OCIAD2: variants seen among roughly 807,000 people sequenced by gnomAD.
OCIAD2 encodes OCIA domain-containing protein 2.
A neutral mutation model predicts 22.9 loss-of-function variants in OCIAD2; 29 were observed. That is an observed-to-expected ratio of 1.27 (90% confidence interval 0.94 to 1.73). The LOEUF (loss-of-function observed/expected upper bound fraction) is 1.73. Among genes scored for constraint, OCIAD2 ranks in the 40% most tolerant of loss-of-function variants. The pLI is 0.00. For missense variants in OCIAD2, 189 were observed against 180.3 expected (o/e 1.05, Z -0.28); for synonymous variants, 67 against 60.2 (o/e 1.11, Z -0.52).
At chr4:48,896,943 G>A (rs544071987) in intron 4 of OCIAD2, among the ~76,000 whole-genome samples, 3 of 152,282 alleles carry the variant, frequency 2.0e-5, no homozygotes, top group Admixed American at 6.5e-5. Flanking sequence ...ACAGGAAAAC[G>A]CTAAGAGGCA....
Position 48,906,454 on chromosome 4 carries a change from C to T in OCIAD2, c.-63+204G>A, listed in dbSNP as rs572361467. On this transcript the variant is annotated intron_variant, in intron 1 of 6. Coordinates refer to ENST00000508632, the MANE Select transcript of OCIAD2 (RefSeq NM_001014446.3). Reference sequence around the variant, plus strand: ...CCGGGAGTCAGCCTACTGGAGTCCGCTGCCATCCCTGGCCAGAAGCAGCCA... The same window carrying T: ...CCGGGAGTCAGCCTACTGGAGTCCGTTGCCATCCCTGGCCAGAAGCAGCCA... Among the ~76,000 whole-genome samples, 8 of 152,342 alleles carry T rather than the reference C, an allele frequency of 5.3e-5. No homozygotes were observed. In the East Asian group the frequency reaches 1.5e-3, roughly 29 times the overall value.
intron 5 of OCIAD2, 161 bp from the exon 6 acceptor site, chr4:48,893,050 T>C (rs1275256663): frequency 4.0e-6 from 2 of 502,428 alleles, no homozygotes; most frequent in Non-Finnish European, 7.1e-6. Flanking sequence ...AGAACAGGAT[T>C]GGGAACTGGA....
chr4:48,896,378 T>G (rs1781301639), intron 4 of OCIAD2, among the ~76,000 whole-genome samples: 1 of 151,792 alleles, frequency 6.6e-6, no homozygotes, highest in African/African-American at 2.4e-5. Context: ...TCACAAGAGC[T>G]CAGGAGTTCG....
At chr4:48,901,804 G>T (rs1408865435) in intron 2 of OCIAD2, among the ~76,000 whole-genome samples, 2 of 152,040 alleles carry the variant, frequency 1.3e-5, no homozygotes, top group Non-Finnish European at 2.9e-5. Context: ...GTATAGTGGT[G>T]CCATCATAGC....
chr4:48,902,033 C>T (rs1781430235), intron 2 of OCIAD2, among the ~76,000 whole-genome samples: 1 of 152,090 alleles, frequency 6.6e-6, no homozygotes, highest in Non-Finnish European at 1.5e-5. Context: ...TCCCAAAGTG[C>T]TGGGGTTACA....
chr4:48,903,459 A>G (rs1560461995), intron 2 of OCIAD2, among the ~76,000 whole-genome samples: 1 of 152,140 alleles, frequency 6.6e-6, no homozygotes, highest in Non-Finnish European at 1.5e-5. Context: ...CAATATAATG[A>G]GACCCCCATC....
At chr4:48,905,272 G>A (rs1269428342) in intron 1 of OCIAD2, among the ~76,000 whole-genome samples, 1 of 152,170 alleles carries the variant, frequency 6.6e-6, no homozygotes, top group Non-Finnish European at 1.5e-5. Flanking sequence ...TGGGTCTAGA[G>A]TTCCAGAACA....
At chr4:48,893,936 C>A in intron 5 of OCIAD2, 70 bp downstream of exon 5, 1 of 936,614 alleles carries the variant, frequency 1.1e-6, no homozygotes, top group Admixed American at 2.5e-5. Context: ...CCCACCTCAG[C>A]CTCCCAAAGT....
At position 48,887,742 on chromosome 4, in the gene OCIAD2, C is replaced by T. The variant is rs186847935; in HGVS notation, c.384-2177G>A. 1.5e-4 allele frequency among the ~76,000 whole-genome samples: 23 copies of T among 152,240 alleles called. No homozygotes were observed. In the East Asian group the frequency reaches 3.9e-3, roughly 26 times the overall value. On this transcript the variant is annotated intron_variant, in intron 6 of 6. Coordinates refer to ENST00000508632, the MANE Select transcript of OCIAD2 (RefSeq NM_001014446.3). ...ACCATGCTGTTTTGGTTACTGTAGA[C>T]TTGTAGTATAGTTTGAAGTCAGGTA...
chr4:48,904,057 C>G (rs1159541211), intron 2 of OCIAD2, among the ~76,000 whole-genome samples: 1 of 152,022 alleles, frequency 6.6e-6, no homozygotes, highest in Non-Finnish European at 1.5e-5. Flanking sequence ...TAAGCCCATC[C>G]AACAAAGTGC....
intron 2 of OCIAD2, among the ~76,000 whole-genome samples, chr4:48,901,421 T>G (rs1781415462): frequency 6.6e-6 from 1 of 152,112 alleles, no homozygotes; most frequent in African/African-American, 2.4e-5. Context: ...GGCCTGAACA[T>G]TCCCTTATGG....
chr4:48,902,539 C>T (rs1293334611), intron 2 of OCIAD2, among the ~76,000 whole-genome samples: 4 of 152,190 alleles, frequency 2.6e-5, no homozygotes, highest in African/African-American at 4.8e-5. Flanking sequence ...CTCCACTTAC[C>T]TTCCTTACTT....
intron 6 of OCIAD2, among the ~76,000 whole-genome samples, chr4:48,887,555 T>G (rs1204864176): frequency 1.3e-5 from 2 of 152,240 alleles, no homozygotes; most frequent in African/African-American, 4.8e-5. Flanking sequence ...TTTCTACATA[T>G]GGCTAGCCAG....
chr4:48,892,992 C>T (rs888841319), intron 5 of OCIAD2, 103 bp from the exon 6 acceptor site: 35 of 646,556 alleles, frequency 5.4e-5, no homozygotes, highest in South Asian at 2.7e-4. Flanking sequence ...AAAAGGACCA[C>T]GCTAAATCAA....
chr4:48,897,745 A>G, intron 4 of OCIAD2, 59 bp downstream of exon 4: 1 of 1,283,258 alleles, frequency 7.8e-7, no homozygotes, highest in Non-Finnish European at 1.1e-6. Context: ...AGCTGCCAGG[A>G]GGGTCACAGT....
At chr4:48,885,598 T>C in intron 6 of OCIAD2, 33 bp from the exon 7 acceptor site, 2 of 1,142,972 alleles carry the variant, frequency 1.7e-6, no homozygotes, top group Non-Finnish European at 2.6e-6. Flanking sequence ...CAGCGGTTTG[T>C]ACTTTGACAC....
chr4:48,886,747 G>C (rs989192831), intron 6 of OCIAD2, among the ~76,000 whole-genome samples: 24 of 152,202 alleles, frequency 1.6e-4, no homozygotes, highest in African/African-American at 5.3e-4. Context: ...ATCATTGTTG[G>C]ACATTGGGTT....
chr4:48,886,202 T>G (rs1474233228), intron 6 of OCIAD2, among the ~76,000 whole-genome samples: 6 of 152,220 alleles, frequency 3.9e-5, no homozygotes, highest in Admixed American at 6.5e-5. Flanking sequence ...TTATTTCTTG[T>G]TTTTGTCAGG....
intron 1 of OCIAD2, 170 bp from the exon 2 acceptor site, chr4:48,904,781 C>G: frequency 1.7e-6 from 1 of 596,638 alleles, no homozygotes. Flanking sequence ...CACATACATG[C>G]ACTCACTAAT....
Sources: gnomAD v4.1 joint callset for allele counts (sites outside exome capture counted in the v4.1 genomes callset) on GRCh38, gnomAD v4.1.1 for gene constraint, MANE v1.5 for transcripts, NCBI Gene and HGNC (gene_info 2026-07-23, HGNC 2026-07-21) for gene names.